The following UNC13C variants were observed in gnomAD, a reference collection of about 807,000 sequenced individuals.
The protein encoded by UNC13C is unc-13 homolog C.
A neutral mutation model predicts 245.4 loss-of-function variants in UNC13C; 174 were observed. The ratio of observed to expected loss-of-function variants is 0.71; its 90% CI spans 0.63 to 0.80. The LOEUF (loss-of-function observed/expected upper bound fraction) is 0.80, where lower values mean the gene tolerates loss of function less well. Among genes scored for constraint, UNC13C ranks in the 30% least tolerant of loss-of-function variants. The pLI is 0.00. For missense variants in UNC13C, 2,829 were observed against 2,602.9 expected (o/e 1.09, Z -1.89); for synonymous variants, 992 against 895.1 (o/e 1.11, Z -1.93).
chr15:54,394,308 C>T (rs2040025614), intron 18 of UNC13C, among the ~76,000 whole-genome samples: 1 of 151,668 alleles, frequency 6.6e-6, no homozygotes, highest in Non-Finnish European at 1.5e-5. Context: ...ATCAAGTTTG[C>T]CCTTTCACTT....
At chr15:54,313,394 G>T (rs1442379504) in intron 13 of UNC13C, among the ~76,000 whole-genome samples, 1 of 151,586 alleles carries the variant, frequency 6.6e-6, no homozygotes, top group Non-Finnish European at 1.5e-5. Context: ...AATGTTTCTT[G>T]GTCAATTAGT....
chr15:53,985,457 A>G (rs1413518919), intron 1 of UNC13C, among the ~76,000 whole-genome samples: 1 of 151,726 alleles, frequency 6.6e-6, no homozygotes, highest in East Asian at 1.9e-4. Context: ...ACATGTATAC[A>G]TGTGTTAAGT....
intron 4 of UNC13C, among the ~76,000 whole-genome samples, chr15:54,165,632 T>G (rs1163530805): frequency 6.6e-6 from 1 of 152,166 alleles, no homozygotes; most frequent in Non-Finnish European, 1.5e-5. Context: ...TATAACATAA[T>G]TTATTTAATC....
At chr15:53,898,462 C>G in the UNC13C span, among the ~76,000 whole-genome samples, 1 of 151,642 alleles carries the variant, frequency 6.6e-6, no homozygotes, top group East Asian at 1.9e-4. Context: ...TTTTTTTTCT[C>G]CTAATAGCTA....
intron 14 of UNC13C, among the ~76,000 whole-genome samples, chr15:54,328,632 C>T (rs2038358961): frequency 1.3e-5 from 2 of 151,922 alleles, no homozygotes; most frequent in African/African-American, 4.8e-5. Flanking sequence ...CAGAGGTTAT[C>T]ATACCCCTTC....
rs973130463 is a variant in UNC13C at position 54,237,391 on chromosome 15, A to G, written c.3157-228A>G. ...TGCCTTTCTGGGCCTCAGTTTCATC[A>G]TCTATAAAATGTAGGGGTTGGGTTT... On this transcript the variant is annotated intron_variant, in intron 6 of 32. Transcript: ENST00000260323. 4.6e-5 allele frequency among the ~76,000 whole-genome samples: 7 copies of G among 152,224 alleles called. 1 individual carries two copies. The South Asian group carries it at 1.0e-3, about 23-fold the overall frequency.
intron 19 of UNC13C, among the ~76,000 whole-genome samples, chr15:54,453,935 C>T (rs568774462): frequency 6.6e-6 from 1 of 152,234 alleles, no homozygotes; most frequent in East Asian, 1.9e-4. Context: ...CAGTTTCCCC[C>T]TCCCTCAGCA....
intron 8 of UNC13C, among the ~76,000 whole-genome samples, chr15:54,262,390 C>T (rs2036448583): frequency 6.6e-6 from 1 of 152,154 alleles, no homozygotes; most frequent in Non-Finnish European, 1.5e-5. Flanking sequence ...TTTTGAGTCA[C>T]TTTGTGTCTT....
intron 4 of UNC13C, among the ~76,000 whole-genome samples, chr15:54,171,280 A>G (rs2033388401): frequency 6.6e-6 from 1 of 152,168 alleles, no homozygotes; most frequent in Admixed American, 6.5e-5. Flanking sequence ...AAGCTTCTGC[A>G]TACCAAAGGA....
At chr15:54,439,344 C>A (rs1890389220) in intron 19 of UNC13C, among the ~76,000 whole-genome samples, 1 of 151,926 alleles carries the variant, frequency 6.6e-6, no homozygotes, top group East Asian at 1.9e-4. Context: ...TGGTAGGTTT[C>A]TTTCGACTAT....
At position 54,622,312 on chromosome 15, in the gene UNC13C, T is replaced by C. The variant is rs1217183341; in HGVS notation, c.6107-15T>C. 4 of 1,599,288 alleles carry C rather than the reference T, an allele frequency of 2.5e-6. No homozygotes were observed. The East Asian group carries it at 8.9e-5, about 36-fold the overall frequency. ...GTCTGAAAGCTCAGGCCAGTAAGCCTCTGCTTATTTTCAGGTCGTTCCTCC... is the reference window on the plus strand; with the variant it reads ...GTCTGAAAGCTCAGGCCAGTAAGCCCCTGCTTATTTTCAGGTCGTTCCTCC... On this transcript the variant is annotated splice_polypyrimidine_tract_variant and intron_variant, in intron 30 of 32. Transcript: ENST00000260323.
At chr15:54,336,599 TA>T (rs1311394380) in intron 16 of UNC13C, among the ~76,000 whole-genome samples, 1 of 152,130 alleles carries the variant, frequency 6.6e-6, no homozygotes, top group African/African-American at 2.4e-5. Context: ...TATTTGGGCA[TA>T]TTTTTTATTT....
chr15:54,592,572 G>A (rs142286410), intron 30 of UNC13C, among the ~76,000 whole-genome samples: 232 of 152,182 alleles, frequency 1.5e-3, no homozygotes, highest in African/African-American at 4.9e-3. Flanking sequence ...TCTTTTAACC[G>A]CTGTTGCTTT....
the UNC13C span, among the ~76,000 whole-genome samples, chr15:53,949,798 A>G: frequency 2.6e-5 from 4 of 152,200 alleles, no homozygotes; most frequent in Non-Finnish European, 4.4e-5. Context: ...TTTGCACTTT[A>G]TAGTCCTCAA....
intron 30 of UNC13C, among the ~76,000 whole-genome samples, chr15:54,574,823 T>G (rs1455793765): frequency 3.3e-5 from 5 of 152,282 alleles, no homozygotes; most frequent in Admixed American, 2.6e-4. Context: ...AATTAGATCA[T>G]TTTGATCATT....
upstream of UNC13C, among the ~76,000 whole-genome samples, chr15:53,978,001 TTA>T (rs1389148737): frequency 6.6e-6 from 1 of 152,180 alleles, no homozygotes; most frequent in Non-Finnish European, 1.5e-5. Context: ...TCTCCTCTAT[TTA>T]AATACAGGGT....
the UNC13C span, among the ~76,000 whole-genome samples, chr15:53,892,141 G>A: frequency 9.4e-3 from 1,428 of 152,248 alleles, 24 homozygotes; most frequent in African/African-American, 0.033. Context: ...ATAAAGCTTA[G>A]TTTGGCTGGA....
At chr15:54,249,601 T>G (rs536414858) in intron 7 of UNC13C, among the ~76,000 whole-genome samples, 22 of 152,084 alleles carry the variant, frequency 1.4e-4, no homozygotes, top group Middle Eastern at 3.4e-3. Flanking sequence ...GTTCAATAGA[T>G]TTTTTTTCAC....
chr15:54,626,931 C>T lies in UNC13C; in HGVS notation c.6463C>T (p.Gln2155Ter). The change falls in exon 33 of 33, where the codon CAG (glutamine) becomes TAG (stop). Residue 2155 changes from glutamine to a stop codon, truncating the protein, a stop_gained. Transcript: ENST00000260323. LOFTEE classifies it high-confidence loss of function. ...TCGAATTATCGGAATGACAGTCATT[C>T]AGCTACAGAACATAGCAGAAAAGGG... Reference protein sequence around the residue: ...EDRIIGMTVIQLQNIAEKGSY... With the variant: ...EDRIIGMTVI 1 of 1,613,426 alleles carries T rather than the reference C, an allele frequency of 6.2e-7. No homozygotes were observed. The highest frequency in any genetic ancestry group is 8.5e-7 in the Non-Finnish European group (1 of 1,179,596).
Sources: gnomAD v4.1 joint callset for allele counts (sites outside exome capture counted in the v4.1 genomes callset) on GRCh38, gnomAD v4.1.1 for gene constraint, MANE v1.5 for transcripts, NCBI Gene and HGNC (gene_info 2026-07-23, HGNC 2026-07-21) for gene names.